The following CORO1C variants were observed in gnomAD, a reference collection of about 807,000 sequenced individuals.
CORO1C encodes coronin-1C.
A neutral mutation model predicts 51.2 loss-of-function variants in CORO1C; 14 were observed. The observed-to-expected ratio is 0.27, with a 90% CI of 0.18 to 0.43. CORO1C has a LOEUF of 0.43. Among genes scored for constraint, CORO1C ranks in the 20% least tolerant of loss-of-function variants. The pLI, the probability that CORO1C is intolerant of heterozygous loss-of-function variation, is 1.00. For synonymous variants in CORO1C, 181 were observed against 210.5 expected, an observed-to-expected ratio of 0.86 and a Z score of 1.21; for missense variants, 417 against 607.8, an observed-to-expected ratio of 0.69 and a Z score of 3.30.
At chr12:108,713,027 T>C (rs1257539963) in intron 1 of CORO1C, among the ~76,000 whole-genome samples, 3 of 151,996 alleles carry the variant, frequency 2.0e-5, no homozygotes, top group Admixed American at 2.0e-4. Flanking sequence ...ACCTAACGAA[T>C]TGCATATTTC....
chr12:108,695,124 C>G (rs1017763308), intron 2 of CORO1C, among the ~76,000 whole-genome samples: 30 of 152,308 alleles, frequency 2.0e-4, no homozygotes, highest in African/African-American at 6.0e-4. Context: ...GCTGCAGGAT[C>G]TACTTTCAAG....
chr12:108,653,692 G>A (rs2032792952), intron 7 of CORO1C, among the ~76,000 whole-genome samples: 1 of 152,146 alleles, frequency 6.6e-6, no homozygotes, highest in Non-Finnish European at 1.5e-5. Flanking sequence ...GTTCAGTGTG[G>A]AGTCTCCCTA....
At chr12:108,656,771 A>G (rs1159166572) in intron 6 of CORO1C, among the ~76,000 whole-genome samples, 1 of 152,188 alleles carries the variant, frequency 6.6e-6, no homozygotes, top group Admixed American at 6.5e-5. Context: ...GCTCTCTGAA[A>G]CATGTGCTGT....
chr12:108,727,336 C>A (rs2035616973), intron 1 of CORO1C, among the ~76,000 whole-genome samples: 1 of 152,140 alleles, frequency 6.6e-6, no homozygotes, highest in Admixed American at 6.5e-5. Flanking sequence ...GACCCATGTC[C>A]CAAAGGACAA....
At chr12:108,654,016 T>C (rs1324520081) in intron 7 of CORO1C, among the ~76,000 whole-genome samples, 2 of 152,184 alleles carry the variant, frequency 1.3e-5, no homozygotes, top group Non-Finnish European at 2.9e-5. Flanking sequence ...GTGTATCTTC[T>C]TTTTTTCACA....
chr12:108,651,008 G>A (rs1004556385), intron 8 of CORO1C, among the ~76,000 whole-genome samples: 19 of 152,146 alleles, frequency 1.2e-4, no homozygotes, highest in African/African-American at 4.3e-4. Context: ...GCCCAGGCTG[G>A]AGTGCAGTGG....
intron 1 of CORO1C, among the ~76,000 whole-genome samples, chr12:108,714,264 C>T (rs550509073): frequency 9.9e-5 from 15 of 152,166 alleles, no homozygotes; most frequent in Non-Finnish European, 2.2e-4. Context: ...TGGCGCACAA[C>T]TGTAGTCCCA....
At chr12:108,707,466 A>G (rs2035059755) in intron 1 of CORO1C, among the ~76,000 whole-genome samples, 1 of 152,230 alleles carries the variant, frequency 6.6e-6, no homozygotes. Flanking sequence ...TACTGGGACA[A>G]TACGTAAAAT....
chr12:108,685,958 A>T (rs1269929680), intron 2 of CORO1C, among the ~76,000 whole-genome samples: 2 of 152,228 alleles, frequency 1.3e-5, no homozygotes, highest in Non-Finnish European at 2.9e-5. Context: ...CTTCTTACTC[A>T]TAATGAAATC....
chr12:108,679,740 C>A (rs749913669), intron 2 of CORO1C, among the ~76,000 whole-genome samples: 11 of 152,230 alleles, frequency 7.2e-5, no homozygotes, highest in Non-Finnish European at 1.6e-4. Flanking sequence ...GTAAAGACCA[C>A]AGGCTCTGGA....
chr12:108,674,205 C>G (rs1265379976), intron 3 of CORO1C, among the ~76,000 whole-genome samples: 1 of 152,154 alleles, frequency 6.6e-6, no homozygotes, highest in African/African-American at 2.4e-5. Context: ...TTAAGAAATA[C>G]ATTTCATAAG....
intron 3 of CORO1C, among the ~76,000 whole-genome samples, 180 bp downstream of exon 3, chr12:108,678,092 G>C (rs753934697): frequency 1.3e-5 from 2 of 151,922 alleles, no homozygotes; most frequent in South Asian, 4.1e-4. Context: ...CTTCTTGAAA[G>C]GATTATCTGT....
At position 108,712,305 on chromosome 12, in the gene CORO1C, G is replaced by A. The variant is rs77000390; in HGVS notation, c.-5-10982C>T. Among the ~76,000 whole-genome samples, 1,081 of 152,208 alleles carry A rather than the reference G, an allele frequency of 7.1e-3. 18 individuals are homozygous for A. Among genetic ancestry groups the A allele is most frequent in the African/African-American group, 0.025 (1,019 of 41,518 alleles). ...AAGAAGATGGAGGCCGGGCAGGGCG[G>A]CTCACACCTGTAAATCCTAGCACTT... On this transcript the variant is annotated intron_variant, in intron 1 of 10. Transcript: ENST00000261401.
At chr12:108,647,590 T>G (rs1009906635) in intron 10 of CORO1C, 68 bp from the exon 11 acceptor site, 1 of 1,156,872 alleles carries the variant, frequency 8.6e-7, no homozygotes, top group Non-Finnish European at 1.2e-6. Flanking sequence ...GTTCAAAACT[T>G]GTAAGATATA....
intron 1 of CORO1C, among the ~76,000 whole-genome samples, chr12:108,725,171 C>T (rs1048216867): frequency 1.3e-5 from 2 of 152,152 alleles, no homozygotes; most frequent in Non-Finnish European, 1.5e-5. Flanking sequence ...TTTTTAAGAC[C>T]GCCTTCCCAT....
chr12:108,676,873 T>A (rs947116474), intron 3 of CORO1C, among the ~76,000 whole-genome samples: 1 of 152,104 alleles, frequency 6.6e-6, no homozygotes, highest in African/African-American at 2.4e-5. Context: ...GCAAGGCACA[T>A]TAAACAGAAC....
At chr12:108,706,619 G>A (rs1392499232) in intron 1 of CORO1C, among the ~76,000 whole-genome samples, 1 of 152,008 alleles carries the variant, frequency 6.6e-6, no homozygotes, top group Non-Finnish European at 1.5e-5. Context: ...TTTTAAGATG[G>A]AGTCTTGCTC....
intron 2 of CORO1C, among the ~76,000 whole-genome samples, chr12:108,684,056 C>A (rs2034216543): frequency 6.6e-6 from 1 of 152,032 alleles, no homozygotes; most frequent in South Asian, 2.1e-4. Context: ...AATGAACAGA[C>A]AAGTTACAAA....
At chr12:108,649,255 G>A (rs2032530198) in intron 8 of CORO1C, 5 of 579,660 alleles carry the variant, frequency 8.6e-6, no homozygotes, top group African/African-American at 1.9e-5. Context: ...AGAACCATGA[G>A]TAGAGGTCTA....
Sources: gnomAD v4.1 joint callset for allele counts (sites outside exome capture counted in the v4.1 genomes callset) on GRCh38, gnomAD v4.1.1 for gene constraint, MANE v1.5 for transcripts, NCBI Gene and HGNC (gene_info 2026-07-23, HGNC 2026-07-21) for gene names.